The following FHIT variants were observed in gnomAD, a reference collection of about 807,000 sequenced individuals.
The protein encoded by FHIT is bis(5'-adenosyl)-triphosphatase.
A neutral mutation model predicts 17.9 loss-of-function variants in FHIT; 19 were observed. The observed-to-expected ratio is 1.06, with a 90% confidence interval of 0.74 to 1.56. The LOEUF (loss-of-function observed/expected upper bound fraction) is 1.56. Among genes scored for constraint, FHIT ranks in the 40% most tolerant of loss-of-function variants. The probability of loss-of-function intolerance (pLI) is 0.00; values close to 1 mark genes in which losing one functional copy is unlikely to be tolerated. For synonymous variants in FHIT, 81 were observed against 69.7 expected (o/e 1.16, Z -0.81); for missense variants, 248 against 189.2 (o/e 1.31, Z -1.82).
chr3:60,429,662 A>G lies in FHIT; in HGVS notation c.103+107198T>C, dbSNP rs114866734. ...CTCTGCAGGGTGATGGAGGGAACCCATAAACCCAATGTGGTTGGGATGAGG... is the reference window on the plus strand; with the variant it reads ...CTCTGCAGGGTGATGGAGGGAACCCGTAAACCCAATGTGGTTGGGATGAGG... On this transcript the variant is annotated intron_variant, in intron 5 of 9. Transcript: ENST00000492590. Among the ~76,000 whole-genome samples the G allele has an allele frequency of 1.7e-3, 265 of 152,222 alleles. 2 individuals are homozygous for G. The highest frequency in any genetic ancestry group is 6.2e-3 in the African/African-American group (257 of 41,568).
intron 5 of FHIT, among the ~76,000 whole-genome samples, chr3:60,347,095 C>G (rs985183253): frequency 6.6e-6 from 1 of 151,732 alleles, no homozygotes; most frequent in African/African-American, 2.4e-5. Context: ...TGCAAAGATT[C>G]CCAATCTGCC....
intron 4 of FHIT, among the ~76,000 whole-genome samples, chr3:60,755,037 G>T (rs2042545327): frequency 6.6e-6 from 1 of 152,276 alleles, no homozygotes; most frequent in African/African-American, 2.4e-5. Flanking sequence ...AGAAAAACCT[G>T]GTGGGATTCA....
chr3:60,540,548 T>C (rs241664), intron 4 of FHIT, among the ~76,000 whole-genome samples: 9,198 of 152,246 alleles, frequency 0.06, 335 homozygotes, highest in Middle Eastern at 0.071. Context: ...CCAGCTGGTG[T>C]CCGCTGCTTT....
intron 5 of FHIT, among the ~76,000 whole-genome samples, chr3:60,149,985 C>CTTTTT (rs1491144741): frequency 3.1e-4 from 16 of 50,930 alleles, no homozygotes; most frequent in Non-Finnish European, 4.7e-4. Context: ...AACCTTTAAG[C>CTTTTT]CTTTTTTTTT....
intron 5 of FHIT, among the ~76,000 whole-genome samples, chr3:60,015,949 G>C (rs1230268289): frequency 2.0e-5 from 3 of 152,136 alleles, no homozygotes; most frequent in Non-Finnish European, 4.4e-5. Flanking sequence ...TTAATTAGAA[G>C]AACAGCAGAT....
At position 60,817,299 on chromosome 3, in the gene FHIT, T is replaced by A. The variant is rs1013251005; in HGVS notation, c.-18+4620A>T. ...TATCATGAAAAACTAGTCTTTTATATTTACAATTTCCAAAATTTTTTCATT... is the reference window on the plus strand; with the variant it reads ...TATCATGAAAAACTAGTCTTTTATAATTACAATTTCCAAAATTTTTTCATT... On this transcript the variant is annotated intron_variant, in intron 4 of 9. Coordinates refer to ENST00000492590, the MANE Select transcript of FHIT (RefSeq NM_002012.4). 1.3e-5 allele frequency among the ~76,000 whole-genome samples: 2 copies of A among 152,086 alleles called. 1 individual carries two copies. Among genetic ancestry groups the A allele is most frequent in the South Asian group, 4.1e-4 (2 of 4,834 alleles).
intron 7 of FHIT, among the ~76,000 whole-genome samples, chr3:59,953,325 C>T (rs866378574): frequency 5.9e-5 from 9 of 151,974 alleles, no homozygotes; most frequent in Non-Finnish European, 1.0e-4. Context: ...TGTCTTCATG[C>T]GTGCATTGGG....
At chr3:60,995,904 T>A (rs2030639656) in intron 3 of FHIT, among the ~76,000 whole-genome samples, 1 of 152,292 alleles carries the variant, frequency 6.6e-6, no homozygotes, top group South Asian at 2.1e-4. Context: ...ACCTGAAAAA[T>A]TAAAATTACA....
intron 4 of FHIT, among the ~76,000 whole-genome samples, chr3:60,604,069 C>T (rs1553669949): frequency 6.6e-6 from 1 of 152,160 alleles, no homozygotes; most frequent in African/African-American, 2.4e-5. Context: ...TAACATTCTT[C>T]AGTAGGAAGT....
chr3:60,287,794 G>T (rs1009617340), intron 5 of FHIT, among the ~76,000 whole-genome samples: 6 of 131,738 alleles, frequency 4.6e-5, no homozygotes, highest in African/African-American at 1.8e-4. Flanking sequence ...TAAGCTGAGG[G>T]AAACTGCACA....
At chr3:60,254,531 C>G (rs948966750) in intron 5 of FHIT, among the ~76,000 whole-genome samples, 2 of 152,170 alleles carry the variant, frequency 1.3e-5, no homozygotes, top group African/African-American at 4.8e-5. Context: ...TGGATTTGTT[C>G]TATTCCTCTA....
chr3:60,497,127 G>A (rs1297330339), intron 5 of FHIT, among the ~76,000 whole-genome samples: 1 of 151,894 alleles, frequency 6.6e-6, no homozygotes, highest in Non-Finnish European at 1.5e-5. Flanking sequence ...AGGGGGCATG[G>A]TATTGTATCT....
chr3:60,143,934 A>G (rs1189077044), intron 5 of FHIT, among the ~76,000 whole-genome samples: 1 of 152,144 alleles, frequency 6.6e-6, no homozygotes, highest in Non-Finnish European at 1.5e-5. Flanking sequence ...TGGGGTAGGG[A>G]GGCAAGCAGT....
At chr3:60,768,531 G>T (rs374558983) in intron 4 of FHIT, among the ~76,000 whole-genome samples, 3 of 152,186 alleles carry the variant, frequency 2.0e-5, no homozygotes, top group Non-Finnish European at 4.4e-5. Flanking sequence ...ACCAGTTCTG[G>T]CCACTGCCAC....
At chr3:60,077,384 T>C (rs1355092697) in intron 5 of FHIT, 2 of 151,966 alleles carry the variant, frequency 1.3e-5, no homozygotes, top group African/African-American at 2.4e-5. Flanking sequence ...TGTCCAGATC[T>C]TGGTTTCTAA....
At chr3:59,876,423 G>A (rs945096654) in intron 8 of FHIT, among the ~76,000 whole-genome samples, 9 of 135,800 alleles carry the variant, frequency 6.6e-5, no homozygotes, top group African/African-American at 2.2e-4. Context: ...TGGGGCCACT[G>A]GGACAGGGGC....
intron 5 of FHIT, among the ~76,000 whole-genome samples, chr3:60,134,984 G>A (rs927401190): frequency 2.0e-5 from 3 of 152,026 alleles, no homozygotes; most frequent in South Asian, 2.1e-4. Context: ...AAGGGGGGAG[G>A]GAGGAAAGGA....
chr3:60,335,912 A>G (rs1037653791), intron 5 of FHIT, among the ~76,000 whole-genome samples: 14 of 152,280 alleles, frequency 9.2e-5, no homozygotes, highest in African/African-American at 3.4e-4. Flanking sequence ...TAAATTACCA[A>G]TTACATTTTT....
At chr3:61,119,885 C>A (rs1248875593) in intron 2 of FHIT, among the ~76,000 whole-genome samples, 1 of 152,226 alleles carries the variant, frequency 6.6e-6, no homozygotes, top group Non-Finnish European at 1.5e-5. Flanking sequence ...GCCCTTCAGA[C>A]TCAGGCTGAG....
Sources: allele counts gnomAD v4.1 joint callset (sites outside exome capture counted in the v4.1 genomes callset), GRCh38; gene constraint gnomAD v4.1.1; transcripts MANE v1.5; gene names NCBI Gene and HGNC (gene_info 2026-07-23, HGNC 2026-07-21).